ARHGAP22: variants seen among roughly 807,000 people sequenced by gnomAD.
ARHGAP22 encodes the protein Rho GTPase activating protein 22, also known as rho GTPase-activating protein 22.
Under a neutral mutation model 59.1 loss-of-function variants are expected in ARHGAP22, and 48 were observed. The ratio of observed to expected loss-of-function variants is 0.81; its 90% CI spans 0.64 to 1.03. The LOEUF (loss-of-function observed/expected upper bound fraction) is 1.03. Ranked by LOEUF, ARHGAP22 falls within the 50% of genes least tolerant of loss-of-function variation. The pLI is 0.00. For missense variants in ARHGAP22, 1,015 were observed against 958.7 expected, an observed-to-expected ratio of 1.06 and a Z score of -0.78; for synonymous variants, 445 against 416.4, an observed-to-expected ratio of 1.07 and a Z score of -0.84.
intron 3 of ARHGAP22, among the ~76,000 whole-genome samples, chr10:48,496,348 A>G (rs1221541987): frequency 6.6e-6 from 1 of 152,142 alleles, no homozygotes; most frequent in African/African-American, 2.4e-5. Context: ...TTAAATAACA[A>G]CAGCAGCCTA....
At chr10:48,655,256 TGGG>T (rs1230624457), upstream of ARHGAP22, among the ~76,000 whole-genome samples, 6 of 9,884 alleles carry the variant, frequency 6.1e-4, 1 homozygote, top group East Asian at 3.6e-3. Context: ...TGTGTGTGTG[TGGG>T]GGGGGGGGGG....
At chr10:48,491,766 C>A (rs2134229252) in intron 3 of ARHGAP22, among the ~76,000 whole-genome samples, 1 of 152,366 alleles carries the variant, frequency 6.6e-6, no homozygotes, top group East Asian at 1.9e-4. Context: ...TTGAGGGAAG[C>A]AGTATCACTA....
At chr10:48,618,302 C>T (rs763498928) in intron 1 of ARHGAP22, among the ~76,000 whole-genome samples, 1 of 151,894 alleles carries the variant, frequency 6.6e-6, no homozygotes, top group African/African-American at 2.4e-5. Flanking sequence ...TTAAACTATT[C>T]CAGAAAATAC....
upstream of ARHGAP22, among the ~76,000 whole-genome samples, chr10:48,608,690 A>T (rs1006690374): frequency 5.3e-5 from 8 of 152,170 alleles, no homozygotes; most frequent in African/African-American, 1.9e-4. Context: ...TCCCACCCTC[A>T]TACTTTGGTT....
intron 2 of ARHGAP22, among the ~76,000 whole-genome samples, chr10:48,567,684 C>G (rs1209114764): frequency 6.6e-6 from 1 of 152,110 alleles, no homozygotes; most frequent in Non-Finnish European, 1.5e-5. Flanking sequence ...GCAGGAGTGA[C>G]AGCATCCACT....
intron 1 of ARHGAP22, among the ~76,000 whole-genome samples, chr10:48,620,846 C>T (rs552358211): frequency 4.0e-5 from 6 of 150,484 alleles, no homozygotes; most frequent in Non-Finnish European, 5.9e-5. Flanking sequence ...GACGTCTCCC[C>T]ACTCTGGCCA....
At chr10:48,449,053 C>A (rs2045637586) in intron 9 of ARHGAP22, among the ~76,000 whole-genome samples, 1 of 152,186 alleles carries the variant, frequency 6.6e-6, no homozygotes, top group Non-Finnish European at 1.5e-5. Flanking sequence ...GGCCTCAGAG[C>A]AGGCCAGAGG....
chr10:48,455,991 G>A (rs549150883), intron 5 of ARHGAP22, among the ~76,000 whole-genome samples: 3 of 152,344 alleles, frequency 2.0e-5, no homozygotes, highest in African/African-American at 7.2e-5. Context: ...CAAGGCAGAA[G>A]TAGACCAGTT....
rs2045830171 is a variant in ARHGAP22 at position 48,450,616 on chromosome 10, G to A, written c.1513C>T (p.Pro505Ser). The A allele has an allele frequency of 6.5e-7, 1 of 1,548,692 alleles. No homozygotes were observed. The highest frequency in any genetic ancestry group is 1.4e-5 in the African/African-American group (1 of 73,188). The change falls in exon 9 of 10, where the codon CCC becomes TCC. Residue 505 changes from proline (P) to serine (S), a missense_variant. Physicochemically the swap from Pro to Ser is moderately conservative, Grantham distance 74. Transcript: ENST00000249601. ...VPAPGLVPGI[P>S]SVASMAWSGA... Reference sequence around the variant, plus strand: ...GACCACGCCATACTGGCCACGCTGGGTATGCCGGGGACCAGGCCCGGCGCG... The same window carrying A: ...GACCACGCCATACTGGCCACGCTGGATATGCCGGGGACCAGGCCCGGCGCG...
intron 1 of ARHGAP22, among the ~76,000 whole-genome samples, chr10:48,627,273 G>A (rs1357020632): frequency 6.6e-6 from 1 of 152,202 alleles, no homozygotes; most frequent in East Asian, 1.9e-4. Flanking sequence ...GGGGTTGCAG[G>A]AATCTATTAA....
At chr10:48,450,162 G>T in intron 9 of ARHGAP22, 99 bp downstream of exon 9, 3 of 1,458,450 alleles carry the variant, frequency 2.1e-6, no homozygotes, top group Admixed American at 4.8e-5. Context: ...TCCAGGGCCA[G>T]CGGCCCAGAG....
chr10:48,464,822 G>A (rs1310257819), intron 4 of ARHGAP22, among the ~76,000 whole-genome samples: 2 of 152,082 alleles, frequency 1.3e-5, no homozygotes, highest in African/African-American at 4.8e-5. Context: ...GTGCTATGAG[G>A]GCGAGACTTC....
At chr10:48,555,203 T>G (rs2057211982) in intron 3 of ARHGAP22, among the ~76,000 whole-genome samples, 1 of 152,252 alleles carries the variant, frequency 6.6e-6, no homozygotes, top group South Asian at 2.1e-4. Flanking sequence ...CATTGACTAA[T>G]TTCTTTCCTT....
intron 1 of ARHGAP22, among the ~76,000 whole-genome samples, chr10:48,614,967 A>G (rs1199697894): frequency 1.3e-5 from 2 of 152,240 alleles, no homozygotes; most frequent in Non-Finnish European, 2.9e-5. Context: ...AAAAACATTT[A>G]GAGGAAAATG....
chr10:48,454,016 G>T, intron 7 of ARHGAP22, 72 bp downstream of exon 7: 2 of 1,478,608 alleles, frequency 1.4e-6, no homozygotes, highest in Non-Finnish European at 9.4e-7. Flanking sequence ...AGAGTTGCGT[G>T]TCTCGCTGTG....
chr10:48,460,806 T>C (rs1463387234), intron 4 of ARHGAP22, among the ~76,000 whole-genome samples: 1 of 152,200 alleles, frequency 6.6e-6, no homozygotes, highest in Non-Finnish European at 1.5e-5. Context: ...CTGAATTCCC[T>C]TAAAAAGGAG....
At position 48,478,710 on chromosome 10, in the gene ARHGAP22, T is replaced by C. The variant is rs370311444; in HGVS notation, c.451+926A>G. ...CTTCATATGGACACCGACCTAGAGA[T>C]AGCGACTGCACGGCTGGGAGTCACC... is the stretch of plus-strand genomic sequence containing the variant. On this transcript the variant is annotated intron_variant, in intron 4 of 9. Coordinates refer to ENST00000249601, the MANE Select transcript of ARHGAP22 (RefSeq NM_021226.4). Among the ~76,000 whole-genome samples the C allele has an allele frequency of 4.5e-4, 68 of 152,262 alleles. No homozygotes were observed. In the South Asian group the frequency reaches 5.8e-3, roughly 13 times the overall value.
chr10:48,449,461 A>G (rs1164140137), intron 9 of ARHGAP22, among the ~76,000 whole-genome samples: 1 of 152,218 alleles, frequency 6.6e-6, no homozygotes, highest in Non-Finnish European at 1.5e-5. Flanking sequence ...AGTGGAAATC[A>G]CAGGCTCAGA....
intron 1 of ARHGAP22, among the ~76,000 whole-genome samples, chr10:48,633,986 C>T (rs902331025): frequency 1.3e-5 from 2 of 152,220 alleles, no homozygotes; most frequent in Non-Finnish European, 2.9e-5. Flanking sequence ...TTCTCCCTCA[C>T]CTTCTTCCTG....
Sources: allele counts gnomAD v4.1 joint callset (sites outside exome capture counted in the v4.1 genomes callset), GRCh38; gene constraint gnomAD v4.1.1; transcripts MANE v1.5; gene names NCBI Gene and HGNC (gene_info 2026-07-23, HGNC 2026-07-21).